SYN3: variants seen among roughly 807,000 people sequenced by gnomAD.
SYN3 encodes the protein synapsin III.
In SYN3, 35 loss-of-function variants were observed where a neutral mutation model predicts 65.8. The ratio of observed to expected loss-of-function variants is 0.53; its 90% CI spans 0.41 to 0.70. The LOEUF (loss-of-function observed/expected upper bound fraction) is 0.70. Among genes scored for constraint, SYN3 ranks in the 30% least tolerant of loss-of-function variants. The pLI is 0.00. For missense variants in SYN3, 680 were observed against 749.0 expected (o/e 0.91, Z 1.08); for synonymous variants, 270 against 292.9 (o/e 0.92, Z 0.80).
chr22:32,907,782 A>G (rs1252707802), intron 4 of SYN3, among the ~76,000 whole-genome samples: 1 of 152,206 alleles, frequency 6.6e-6, no homozygotes, highest in East Asian at 1.9e-4. Flanking sequence ...AATTCTTACC[A>G]TACATGGCCC....
intron 1 of SYN3, chr22:33,014,455 A>ACCT (rs1383052032): frequency 6.6e-6 from 1 of 151,530 alleles, no homozygotes; most frequent in Non-Finnish European, 1.5e-5. Flanking sequence ...TTTCTGAGGA[A>ACCT]CCTCCATGCC....
At chr22:32,756,209 T>C (rs1484978814) in intron 6 of SYN3, among the ~76,000 whole-genome samples, 1 of 151,664 alleles carries the variant, frequency 6.6e-6, no homozygotes, top group African/African-American at 2.4e-5. Flanking sequence ...TCCCAGAACT[T>C]AAAGTTCAAT....
intron 6 of SYN3, among the ~76,000 whole-genome samples, chr22:32,646,529 C>A (rs57133833): frequency 1.3e-5 from 2 of 152,078 alleles, no homozygotes; most frequent in African/African-American, 4.8e-5. Context: ...ATCCGGCTAG[C>A]GCTTCTTTGT....
chr22:32,764,547 T>C (rs571750559), intron 6 of SYN3, among the ~76,000 whole-genome samples: 1 of 152,310 alleles, frequency 6.6e-6, no homozygotes, highest in Non-Finnish European at 1.5e-5. Flanking sequence ...GGCAGCCTCG[T>C]GGCCTGGAAG....
chr22:32,771,441 A>C (rs1217660920), intron 6 of SYN3, among the ~76,000 whole-genome samples: 1 of 152,228 alleles, frequency 6.6e-6, no homozygotes, highest in East Asian at 1.9e-4. Flanking sequence ...AACACAGCAC[A>C]GTGGCCCCTG....
At chr22:32,792,193 G>T (rs1260830925) in intron 6 of SYN3, among the ~76,000 whole-genome samples, 2 of 152,168 alleles carry the variant, frequency 1.3e-5, no homozygotes, top group Non-Finnish European at 2.9e-5. Flanking sequence ...CTGAGGCTCA[G>T]AGAGAGGTTA....
intron 6 of SYN3, among the ~76,000 whole-genome samples, chr22:32,778,061 A>G (rs1248004497): frequency 6.6e-6 from 1 of 152,190 alleles, no homozygotes; most frequent in East Asian, 1.9e-4. Flanking sequence ...CAAGAGGACA[A>G]TGCTTTTATC....
chr22:32,992,735 C>T (rs1225561801), intron 2 of SYN3, among the ~76,000 whole-genome samples: 1 of 152,166 alleles, frequency 6.6e-6, no homozygotes. Context: ...ATTGTTCAAA[C>T]CTGGGAGGCG....
intron 7 of SYN3, among the ~76,000 whole-genome samples, chr22:32,554,366 C>T (rs888527865): frequency 6.6e-6 from 1 of 152,142 alleles, no homozygotes; most frequent in Non-Finnish European, 1.5e-5. Flanking sequence ...CTACTGAAAT[C>T]CCCTGGTTTA....
At chr22:32,858,244 T>TCA in intron 6 of SYN3, 1 of 1,526,978 alleles carries the variant, frequency 6.5e-7, no homozygotes, top group Non-Finnish European at 8.9e-7. Flanking sequence ...GGGAAGGGTA[T>TCA]GCATGTGTTA....
rs554819474 is a variant in SYN3, at chr22:32,839,993, C to A, written c.711+24922G>T. On this transcript the variant is annotated intron_variant, in intron 6 of 13. Transcript: ENST00000358763. ...GAGCCAGGAGCTCACAAAGGCCCCT[C>A]CTCCCCTTCCCCGGGAGGTCCAGGA... Among the ~76,000 whole-genome samples, 5 of 152,214 alleles carry A rather than the reference C, an allele frequency of 3.3e-5. No homozygotes were observed. The East Asian group carries it at 9.8e-4, about 30-fold the overall frequency.
intron 3 of SYN3, among the ~76,000 whole-genome samples, chr22:32,956,748 C>CAA (rs2051475760): frequency 6.6e-6 from 1 of 152,136 alleles, no homozygotes; most frequent in African/African-American, 2.4e-5. Flanking sequence ...CATGGGTGTA[C>CAA]AAATATCTGT....
intron 6 of SYN3, among the ~76,000 whole-genome samples, chr22:32,827,478 C>G (rs1387209082): frequency 6.6e-6 from 1 of 152,204 alleles, no homozygotes; most frequent in African/African-American, 2.4e-5. Flanking sequence ...GTGATGATAT[C>G]TACCTCCTCC....
At position 32,600,198 on chromosome 22, in the gene SYN3, G is replaced by T. The variant is rs543005678; in HGVS notation, c.712-3462C>A. 2.5e-4 allele frequency among the ~76,000 whole-genome samples: 38 copies of T among 152,294 alleles called. 1 individual carries two copies. In the East Asian group the frequency reaches 6.9e-3, roughly 28 times the overall value. ...TTCTTGCAACTAGACAGTCCCATCT[G>T]GGGGTGATGGGAGACAGTGACAGAT... On this transcript the variant is annotated intron_variant, in intron 6 of 13. Transcript: ENST00000358763.
At chr22:32,976,619 T>A (rs992822765) in intron 3 of SYN3, among the ~76,000 whole-genome samples, 4 of 152,168 alleles carry the variant, frequency 2.6e-5, no homozygotes, top group Non-Finnish European at 5.9e-5. Context: ...CCTGGCCTGA[T>A]CCTCTCAGAC....
intron 6 of SYN3, among the ~76,000 whole-genome samples, chr22:32,601,498 G>C (rs1197644634): frequency 3.9e-5 from 6 of 152,134 alleles, no homozygotes; most frequent in Non-Finnish European, 8.8e-5. Flanking sequence ...AGAATGGTCT[G>C]GATCTCCTGA....
chr22:32,636,262 C>CGTG (rs2059813729), intron 6 of SYN3, among the ~76,000 whole-genome samples: 1 of 151,938 alleles, frequency 6.6e-6, no homozygotes, highest in African/African-American at 2.4e-5. Flanking sequence ...ATCAGCCGGG[C>CGTG]GTGGTGGCCA....
chr22:32,808,351 T>C (rs2046821418), intron 6 of SYN3, among the ~76,000 whole-genome samples: 1 of 152,172 alleles, frequency 6.6e-6, no homozygotes, highest in South Asian at 2.1e-4. Flanking sequence ...TTGTTGCCTA[T>C]GGATGGCACT....
rs568972542 is a variant in SYN3 at position 32,740,277 on chromosome 22, G to A, written c.711+124638C>T. Among the ~76,000 whole-genome samples, 78 of 152,314 alleles carry A rather than the reference G, an allele frequency of 5.1e-4. 1 individual carries two copies. Among genetic ancestry groups the A allele is most frequent in the South Asian group, 1.4e-3 (7 of 4,828 alleles). On this transcript the variant is annotated intron_variant, in intron 6 of 13. Coordinates refer to ENST00000358763, the MANE Select transcript of SYN3 (RefSeq NM_003490.4). The stretch of plus-strand genomic sequence containing the variant: ...TCTGTGCAGGTGCTAAACTGGGCCC[G>A]AGAGGTGCAATGTGGAACATGAATA...
Sources: allele counts gnomAD v4.1 joint callset (sites outside exome capture counted in the v4.1 genomes callset), GRCh38; gene constraint gnomAD v4.1.1; transcripts MANE v1.5; gene names NCBI Gene and HGNC (gene_info 2026-07-23, HGNC 2026-07-21).